The following ACTN4 variants were observed in gnomAD, a reference collection of about 807,000 sequenced individuals.
The protein encoded by ACTN4 is actinin alpha 4.
In ACTN4, 18 loss-of-function variants were observed where a neutral mutation model predicts 114.2. That is an observed-to-expected ratio of 0.16 (90% CI 0.11 to 0.23). ACTN4 has a LOEUF of 0.23. ACTN4 is among the 10% of genes least tolerant of loss of function. The pLI, the probability that ACTN4 is intolerant of heterozygous loss-of-function variation, is 1.00. For synonymous variants in ACTN4, 515 were observed against 506.3 expected (o/e 1.02, Z -0.23); for missense variants, 722 against 1,262.9 (o/e 0.57, Z 6.49).
At chr19:38,670,096 C>A (rs1165007029) in intron 1 of ACTN4, among the ~76,000 whole-genome samples, 1 of 152,280 alleles carries the variant, frequency 6.6e-6, no homozygotes, top group South Asian at 2.1e-4. Flanking sequence ...TTCCTAGCCA[C>A]CCCTTTCTCC....
Position 38,730,347 on chromosome 19 carries a change from G to A in ACTN4, c.*915G>A, listed in dbSNP as rs758967912. ...TGATGCTCCTCCGGGTCTGCGTCGG[G>A]CGTGGGTCTCTGGGGACCCTCCAGA... On this transcript the variant is annotated 3_prime_UTR_variant, in exon 21 of 21. Transcript: ENST00000252699. 1 of 172,614 alleles carries A rather than the reference G, an allele frequency of 5.8e-6. No homozygotes were observed. Among genetic ancestry groups the A allele is most frequent in the Non-Finnish European group, 1.3e-5 (1 of 79,676 alleles). The allele number at this position is 172,614 out of a possible 1,614,324, so 10.7% of individuals were successfully genotyped here.
chr19:38,657,167 G>T (rs1373120653), intron 1 of ACTN4, among the ~76,000 whole-genome samples: 2 of 148,600 alleles, frequency 1.3e-5, no homozygotes, highest in Non-Finnish European at 3.0e-5. Context: ...TTTTGAGATG[G>T]AGTCTCACTC....
chr19:38,724,714 C>A lies in ACTN4; in HGVS notation c.2010+149C>A. 7.3e-7 allele frequency: 1 copy of A among 1,372,414 alleles called. No homozygotes were observed. Among genetic ancestry groups the A allele is most frequent in the Non-Finnish European group, 1.0e-6 (1 of 994,168 alleles). 85.0% of individuals were successfully genotyped at this position (1,372,414 alleles called of 1,614,324 possible). On this transcript the variant is annotated intron_variant, in intron 16 of 20. Coordinates refer to ENST00000252699, the MANE Select transcript of ACTN4 (RefSeq NM_004924.6). The surrounding 1 kb of genome is among the most constrained non-coding windows in gnomAD (Gnocchi z 7.0). ...CCACCCAGGGGCCGTGATCACCCTG[C>A]GGGGTTAGGAGAGTCCACAGAGCTT...
chr19:38,728,066 GCTCT>G (rs148995680), intron 19 of ACTN4, 40 bp downstream of exon 19: 136 of 1,505,234 alleles, frequency 9.0e-5, no homozygotes, highest in African/African-American at 7.4e-4. Flanking sequence ...GGCATTAACT[GCTCT>G]CTCTCTCTCT....
At chr19:38,710,474 C>A in intron 8 of ACTN4, 132 bp downstream of exon 8, 1 of 962,358 alleles carries the variant, frequency 1.0e-6, no homozygotes, top group Non-Finnish European at 1.6e-6. Flanking sequence ...CCACCCCCAG[C>A]TCCCTGGCGT....
In ACTN4 at chr19:38,729,603, G is replaced by T. The variant is rs1454400806; in HGVS notation, c.*171G>T. On this transcript the variant is annotated 3_prime_UTR_variant, in exon 21 of 21. Coordinates refer to ENST00000252699, the MANE Select transcript of ACTN4 (RefSeq NM_004924.6). ...AGGCTCTCTCCTCTCTCTCTTTGTG[G>T]GTTGGCCAGGAGGTTCCCCCGACCA... The T allele has an allele frequency of 2.0e-6, 2 of 1,012,582 alleles. No homozygotes were observed. The highest frequency in any genetic ancestry group is 5.2e-5 in the East Asian group (2 of 38,294). 62.7% of individuals were successfully genotyped at this position (1,012,582 alleles called of 1,614,324 possible).
intron 1 of ACTN4, among the ~76,000 whole-genome samples, chr19:38,664,640 GCCCGT>G (rs1966901300): frequency 6.6e-6 from 1 of 152,140 alleles, no homozygotes; most frequent in Non-Finnish European, 1.5e-5. Context: ...GCTGGATTGA[GCCCGT>G]CCCTGCAGCC....
At chr19:38,709,554 G>C in intron 7 of ACTN4, 78 bp downstream of exon 7, 1 of 1,289,216 alleles carries the variant, frequency 7.8e-7, no homozygotes, top group Non-Finnish European at 1.1e-6. Context: ...CGGGCAAGGG[G>C]CTGTGGGCAC....
At chr19:38,668,910 C>A (rs1167998760) in intron 1 of ACTN4, among the ~76,000 whole-genome samples, 1 of 152,070 alleles carries the variant, frequency 6.6e-6, no homozygotes, top group Non-Finnish European at 1.5e-5. Context: ...TATAAATCGA[C>A]CTCCAGGAGA....
At chr19:38,672,224 T>G (rs1967150699) in intron 1 of ACTN4, among the ~76,000 whole-genome samples, 1 of 150,622 alleles carries the variant, frequency 6.6e-6, no homozygotes. Context: ...CAGCAGTATT[T>G]CTTACATGTG....
chr19:38,652,288 G>A (rs117477533), intron 1 of ACTN4, among the ~76,000 whole-genome samples: 3,815 of 152,196 alleles, frequency 0.025, 81 homozygotes, highest in Admixed American at 0.06. Flanking sequence ...TCTTGTAAGA[G>A]GGATAGGGGA....
At chr19:38,714,012 AGT>A (rs1353691263) in intron 8 of ACTN4, among the ~76,000 whole-genome samples, 2 of 152,184 alleles carry the variant, frequency 1.3e-5, no homozygotes, top group African/African-American at 4.8e-5. Flanking sequence ...GACAGGCCTG[AGT>A]GTGCTCCTGT....
chr19:38,680,225 T>TTTG (rs1967518190), intron 1 of ACTN4, among the ~76,000 whole-genome samples: 1 of 34,456 alleles, frequency 2.9e-5, no homozygotes, highest in Admixed American at 2.8e-4. Flanking sequence ...TTTTTTTTTT[T>TTTG]TTTTTTTTTT....
chr19:38,667,111 A>C (rs1207699627), intron 1 of ACTN4, among the ~76,000 whole-genome samples: 1 of 152,222 alleles, frequency 6.6e-6, no homozygotes, highest in African/African-American at 2.4e-5. Context: ...AAAAACAACA[A>C]CACAAAAAGT....
chr19:38,714,678 G>A, intron 9 of ACTN4, 117 bp downstream of exon 9: 2 of 1,065,630 alleles, frequency 1.9e-6, no homozygotes, highest in Non-Finnish European at 2.8e-6. Flanking sequence ...AAGGCTGCGT[G>A]GTCACAGACC....
chr19:38,708,176 A>T lies in ACTN4; in HGVS notation c.632A>T (p.Glu211Val), dbSNP rs1173830876. 6.2e-7 allele frequency: 1 copy of T among 1,614,168 alleles called. No homozygotes were observed. The highest frequency in any genetic ancestry group is 8.5e-7 in the Non-Finnish European group (1 of 1,180,024). Reference protein sequence around the residue: ...LIHRHRPELIEYDKLRKDDPV... With the variant: ...LIHRHRPELIVYDKLRKDDPV... Reference sequence around the variant, plus strand: ...CACCGGCACAGACCAGAGCTGATTGAGTATGACAAGCTGAGGAAGGTGAGT... The same window carrying T: ...CACCGGCACAGACCAGAGCTGATTGTGTATGACAAGCTGAGGAAGGTGAGT... Residue 211 changes from glutamate (E) to valine (V), a missense_variant, in exon 6 of 21, where the codon GAG becomes GTG. Glu to Val is a moderately radical substitution (Grantham distance 121). Transcript: ENST00000252699.
At chr19:38,709,565 A>G (rs374437840) in intron 7 of ACTN4, 89 bp downstream of exon 7, 4 of 1,183,930 alleles carry the variant, frequency 3.4e-6, no homozygotes, top group Non-Finnish European at 5.0e-6. Flanking sequence ...CTGTGGGCAC[A>G]TCAGAGCTTT....
At chr19:38,709,343 C>T (rs1968564529) in intron 6 of ACTN4, 52 bp from the exon 7 acceptor site, 6 of 1,414,522 alleles carry the variant, frequency 4.2e-6, no homozygotes, top group Admixed American at 1.7e-5. Context: ...CCCTCCTGCT[C>T]CTGCACCCTG....
intron 16 of ACTN4, among the ~76,000 whole-genome samples, chr19:38,725,066 G>A (rs1969186082): frequency 6.6e-6 from 1 of 151,852 alleles, no homozygotes; most frequent in Non-Finnish European, 1.5e-5. Context: ...CTAAAATGGG[G>A]ATGAAAACAG....
Sources: gnomAD v4.1 joint callset for allele counts (sites outside exome capture counted in the v4.1 genomes callset) on GRCh38, gnomAD v4.1.1 for gene constraint, Gnocchi (gnomAD v3.1) non-coding constraint, MANE v1.5 for transcripts, NCBI Gene and HGNC (gene_info 2026-07-23, HGNC 2026-07-21) for gene names.